Variants in SDK1 observed in about 807,000 individuals in gnomAD.
SDK1 encodes sidekick cell adhesion molecule 1.
In SDK1, 157 loss-of-function variants were observed where a neutral mutation model predicts 245.5. That is an observed-to-expected ratio of 0.64 (90% CI 0.56 to 0.73). SDK1 has a LOEUF of 0.73. Among genes scored for constraint, SDK1 ranks in the 30% least tolerant of loss-of-function variants. The pLI, the probability that SDK1 is intolerant of heterozygous loss-of-function variation, is 0.00. For missense variants in SDK1, 3,583 were observed against 3,002.3 expected (o/e 1.19, Z -4.52); for synonymous variants, 1,647 against 1,278.5 (o/e 1.29, Z -6.15).
chr7:3,537,224 C>T (rs746033852), intron 1 of SDK1, among the ~76,000 whole-genome samples: 1 of 152,184 alleles, frequency 6.6e-6, no homozygotes, highest in African/African-American at 2.4e-5. Flanking sequence ...TGGAACTATG[C>T]ACTCTTGTGT....
chr7:3,449,514 A>G (rs987965718), intron 1 of SDK1, among the ~76,000 whole-genome samples: 2 of 152,182 alleles, frequency 1.3e-5, no homozygotes. Context: ...ATTTGACTAT[A>G]TGTTGAATTA....
chr7:4,081,425 A>AT lies in SDK1; in HGVS notation c.3324+1854dup, dbSNP rs11358526. Among the ~76,000 whole-genome samples the AT allele has an allele frequency of 8.6e-3, 1,249 of 145,340 alleles. 7 individuals carry two copies. The highest frequency in any genetic ancestry group is 0.036 in the South Asian group (165 of 4,558). On this transcript the variant is annotated intron_variant, in intron 22 of 44. Transcript: ENST00000404826. ...TTATGTCATACAACCTGTTTCTTTA[A>AT]TTTTTTTTTTTTTGAGACAGAATCT... is the stretch of plus-strand genomic sequence containing the variant.
At position 4,069,700 on chromosome 7, in the gene SDK1, G is replaced by C. The variant is rs1780124214; in HGVS notation, c.3010+1764G>C. On this transcript the variant is annotated intron_variant, in intron 20 of 44. Coordinates refer to ENST00000404826, the MANE Select transcript of SDK1 (RefSeq NM_152744.4). ...ATCTCTCCCTCCTGCCAGGCTGCAG[G>C]GTTGGGGGCCGTTTCTTCTCCGCAC... Among the ~76,000 whole-genome samples, 4 of 152,232 alleles carry C rather than the reference G, an allele frequency of 2.6e-5. No individual in the cohort carries two copies. In the South Asian group the frequency reaches 6.2e-4, roughly 24 times the overall value.
chr7:3,578,620 A>AC (rs920854520), intron 1 of SDK1, among the ~76,000 whole-genome samples: 2 of 151,308 alleles, frequency 1.3e-5, no homozygotes, highest in Non-Finnish European at 2.9e-5. Flanking sequence ...TTTATAGACC[A>AC]CCCCCCAGGA....
intron 7 of SDK1, among the ~76,000 whole-genome samples, chr7:3,955,953 C>A (rs1278840808): frequency 6.6e-6 from 1 of 152,180 alleles, no homozygotes; most frequent in Non-Finnish European, 1.5e-5. Context: ...AGGCAGCTGC[C>A]ATGGGCTCTG....
At chr7:3,761,260 C>CT (rs71029692) in intron 4 of SDK1, among the ~76,000 whole-genome samples, 22,956 of 93,704 alleles carry the variant, frequency 0.24, 4,014 homozygotes, top group African/African-American at 0.44. Flanking sequence ...GCCCCCCCTC[C>CT]TTTTTTTTTT....
chr7:3,357,235 CTGT>C (rs1289008465), intron 1 of SDK1, among the ~76,000 whole-genome samples: 6 of 146,572 alleles, frequency 4.1e-5, no homozygotes, highest in Non-Finnish European at 8.9e-5. Flanking sequence ...CTGGATGCTT[CTGT>C]TGTTGATGTA....
rs150204284 is a variant in SDK1, at chr7:3,781,061, C to G, written c.714-40389C>G. Among the ~76,000 whole-genome samples the G allele has an allele frequency of 4.6e-5, 7 of 152,076 alleles. No individual in the cohort carries two copies. In the East Asian group the frequency reaches 1.4e-3, roughly 30 times the overall value. ...AGGTCAAACAGTCACTCAACTCAGT[C>G]AAAAGCCCACCTCATAGCTCCACCC... On this transcript the variant is annotated intron_variant, in intron 4 of 44. Coordinates refer to ENST00000404826, the MANE Select transcript of SDK1 (RefSeq NM_152744.4).
At chr7:4,059,961 G>T (rs1011769789) in intron 19 of SDK1, among the ~76,000 whole-genome samples, 10 of 150,698 alleles carry the variant, frequency 6.6e-5, no homozygotes, top group African/African-American at 9.8e-5. Flanking sequence ...CTCACTGCAA[G>T]CTCCGCCTCC....
chr7:3,357,754 A>G (rs914118452), intron 1 of SDK1, among the ~76,000 whole-genome samples: 1 of 152,084 alleles, frequency 6.6e-6, no homozygotes, highest in Non-Finnish European at 1.5e-5. Flanking sequence ...GTCATGACAC[A>G]GAAACAAAGT....
chr7:3,346,807 G>GTGTGTGTA (rs796252256), intron 1 of SDK1, among the ~76,000 whole-genome samples: 1 of 42,252 alleles, frequency 2.4e-5, no homozygotes, highest in African/African-American at 1.0e-4. Flanking sequence ...GTGTGTGTGT[G>GTGTGTGTA]TATATATATA....
At chr7:3,938,753 T>C (rs573329249) in intron 5 of SDK1, among the ~76,000 whole-genome samples, 1 of 152,066 alleles carries the variant, frequency 6.6e-6, no homozygotes, top group Admixed American at 6.5e-5. Flanking sequence ...ATCATGCAGG[T>C]CCAATCACGC....
chr7:3,672,040 C>T (rs781385687), intron 4 of SDK1, among the ~76,000 whole-genome samples: 5 of 152,064 alleles, frequency 3.3e-5, no homozygotes, highest in East Asian at 1.9e-4. Context: ...GAAGTCCTGG[C>T]GGCCTCTGGG....
chr7:3,805,945 G>A (rs1779231779), intron 4 of SDK1, among the ~76,000 whole-genome samples: 1 of 152,036 alleles, frequency 6.6e-6, no homozygotes, highest in African/African-American at 2.4e-5. Context: ...TTCCTTTACA[G>A]AGCTATTCTA....
chr7:3,606,289 A>G (rs1373690488), intron 1 of SDK1, among the ~76,000 whole-genome samples: 1 of 152,168 alleles, frequency 6.6e-6, no homozygotes, highest in Non-Finnish European at 1.5e-5. Context: ...CTTTACTGCA[A>G]CCAGTTTACC....
chr7:4,154,250 G>A (rs1442449511), intron 30 of SDK1, among the ~76,000 whole-genome samples: 3 of 152,200 alleles, frequency 2.0e-5, no homozygotes, highest in South Asian at 4.1e-4. Flanking sequence ...GAGGCAGTAC[G>A]AGTACAAACT....
At chr7:3,378,379 T>C (rs1032506638) in intron 1 of SDK1, among the ~76,000 whole-genome samples, 1 of 152,098 alleles carries the variant, frequency 6.6e-6, no homozygotes, top group Non-Finnish European at 1.5e-5. Flanking sequence ...GGACGGGAGG[T>C]AGACATTTGT....
At chr7:3,934,895 T>C (rs1780102160) in intron 5 of SDK1, among the ~76,000 whole-genome samples, 1 of 152,172 alleles carries the variant, frequency 6.6e-6, no homozygotes, top group Admixed American at 6.5e-5. Flanking sequence ...TTCATCAGTG[T>C]GGTGAGCAGC....
chr7:3,637,053 CAG>C (rs10577617), intron 2 of SDK1, among the ~76,000 whole-genome samples: 86,416 of 148,150 alleles, frequency 0.58, 24,832 homozygotes, highest in South Asian at 0.77. Context: ...TTTCCTGATG[CAG>C]AGAGAGAGAG....
Sources: allele counts gnomAD v4.1 joint callset (sites outside exome capture counted in the v4.1 genomes callset), GRCh38; gene constraint gnomAD v4.1.1; transcripts MANE v1.5; gene names NCBI Gene and HGNC (gene_info 2026-07-23, HGNC 2026-07-21).